ZNF850: variants seen among roughly 807,000 people sequenced by gnomAD.
The protein encoded by ZNF850 is putative zinc finger protein ENSP00000330994.
In ZNF850, 2 loss-of-function variants were observed where a neutral mutation model predicts 11.9. That is an observed-to-expected ratio of 0.17 (90% confidence interval 0.07 to 0.53). The LOEUF (loss-of-function observed/expected upper bound fraction) is 0.53. Ranked by LOEUF, ZNF850 falls within the 20% of genes least tolerant of loss-of-function variation. The pLI is 0.94. For missense variants in ZNF850, 1,014 were observed against 1,316.4 expected (o/e 0.77, Z 3.55); for synonymous variants, 381 against 443.0 (o/e 0.86, Z 1.76).
At chr19:36,761,775 G>A in intron 3 of ZNF850, 37 bp from the exon 4 acceptor site, 1 of 1,266,176 alleles carries the variant, frequency 7.9e-7, no homozygotes, top group Non-Finnish European at 1.1e-6. Flanking sequence ...GCCAGGCATG[G>A]TGGCTCACTC....
rs1299942400 is a variant in ZNF850 at position 36,750,003 on chromosome 19, A to T, written c.1037T>A (p.Phe346Tyr). The change falls in exon 5 of 5, where the codon TTT (phenylalanine) becomes TAT (tyrosine). Residue 346 changes from phenylalanine to tyrosine, a missense_variant. Coordinates refer to ENST00000591344, the MANE Select transcript of ZNF850 (RefSeq NM_001193552.2). ...TCGAATTAGTGCTGAGCCTGAAGCA[A>T]AAGATTTTCCACATTCCTTACAATC... Reference protein sequence around the residue: ...PYDCKECGKSFASGSALIRHQ... With the variant: ...PYDCKECGKSYASGSALIRHQ... The T allele has an allele frequency of 6.5e-7, 1 of 1,549,886 alleles. No individual in the cohort carries two copies. The highest frequency in any genetic ancestry group is 2.4e-5 in the East Asian group (1 of 41,332).
rs1206833042 is a variant in ZNF850 at position 36,759,237 on chromosome 19, G to A, written c.235+2406C>T. 7.9e-5 allele frequency among the ~76,000 whole-genome samples: 12 copies of A among 152,204 alleles called. 1 individual carries two copies. The highest frequency in any genetic ancestry group is 7.2e-4 in the Admixed American group (11 of 15,274). On this transcript the variant is annotated intron_variant, in intron 4 of 4. Coordinates refer to ENST00000591344, the MANE Select transcript of ZNF850 (RefSeq NM_001193552.2). Reference sequence around the variant, plus strand: ...TGTAATCCCAGCAGTTTGGGAAAGTGAGGCAGTGGGAGGACTGCCTGAGCC... The same window carrying A: ...TGTAATCCCAGCAGTTTGGGAAAGTAAGGCAGTGGGAGGACTGCCTGAGCC...
Position 36,750,683 on chromosome 19 carries a change from A to G in ZNF850, c.357T>C (p.Asp119=), listed in dbSNP as rs1172780448. Reference sequence around the variant, plus strand: ...GAAACTGGCCTTTGCATTCCCAGTCATCTCTGACACTGGAGCCCACAAGGC... The same window carrying G: ...GAAACTGGCCTTTGCATTCCCAGTCGTCTCTGACACTGGAGCCCACAAGGC... ...CHSLVGSSVR[D]DWECKGQFQH... is the part of the protein sequence containing the mutation. The change falls in exon 5 of 5, where the codon GAT becomes GAC. Residue 119 remains aspartate, a synonymous_variant. Coordinates refer to ENST00000591344, the MANE Select transcript of ZNF850 (RefSeq NM_001193552.2). 2 of 1,536,046 alleles carry G rather than the reference A, an allele frequency of 1.3e-6. No homozygotes were observed. The highest frequency in any genetic ancestry group is 1.7e-6 in the Non-Finnish European group (2 of 1,146,926).
rs990202572 is a variant in ZNF850 at position 36,750,341 on chromosome 19, A to C, written c.699T>G (p.Ala233=). ...GAATAAGATGTGAGCCAGAAATAAA[A>C]GCTTTTCCATATTCTTTACATGCAC... ...KPCACKEYGK[A]FISGSHLIQH... is the part of the protein sequence containing the mutation. Residue 233 remains alanine, a synonymous_variant, in exon 5 of 5, where the codon GCT becomes GCG. Transcript: ENST00000591344. 4.1e-5 allele frequency: 63 copies of C among 1,536,442 alleles called. No individual in the cohort carries two copies. The highest frequency in any genetic ancestry group is 5.3e-5 in the Non-Finnish European group (61 of 1,146,926).
In ZNF850 at chr19:36,750,773, T is replaced by C; in HGVS notation, c.267A>G (p.Ser89=). ...DSEFRCKTKD[S]CLPKEIYEVT... Reference sequence around the variant, plus strand: ...CTTCATAGATTTCTTTTGGCAAACATGAATCTTTGGTCTTACATCTAAACT... The same window carrying C: ...CTTCATAGATTTCTTTTGGCAAACACGAATCTTTGGTCTTACATCTAAACT... The change falls in exon 5 of 5, where the codon TCA becomes TCG. Residue 89 remains serine (S), a synonymous_variant. Transcript: ENST00000591344. The C allele has an allele frequency of 6.6e-7, 1 of 1,524,958 alleles. No homozygotes were observed. Among genetic ancestry groups the C allele is most frequent in the Non-Finnish European group, 8.8e-7 (1 of 1,140,420 alleles). 94.5% of individuals were successfully genotyped at this position (1,524,958 alleles called of 1,614,324 possible).
intron 4 of ZNF850, among the ~76,000 whole-genome samples, chr19:36,753,187 TA>T (rs768916228): frequency 1.4e-5 from 2 of 144,392 alleles, no homozygotes; most frequent in Non-Finnish European, 3.0e-5. Context: ...AAGAATTGCT[TA>T]AATCCAGGAG....
intron 4 of ZNF850, among the ~76,000 whole-genome samples, chr19:36,752,213 G>A (rs982659461): frequency 1.3e-5 from 2 of 152,070 alleles, no homozygotes; most frequent in African/African-American, 2.4e-5. Flanking sequence ...CAATGAACAC[G>A]CTAATGACAG....
intron 4 of ZNF850, among the ~76,000 whole-genome samples, chr19:36,756,452 TTTC>T (rs1182349017): frequency 6.6e-6 from 1 of 152,222 alleles, no homozygotes; most frequent in Non-Finnish European, 1.5e-5. Flanking sequence ...TGTGCATTTT[TTTC>T]TTTTTATAAA....
In ZNF850 at chr19:36,747,948, T is replaced by G; in HGVS notation, c.3092A>C (p.His1031Pro). The G allele has an allele frequency of 1.3e-6, 2 of 1,572,798 alleles. No homozygotes were observed. The highest frequency in any genetic ancestry group is 2.3e-5 in the South Asian group (2 of 86,836). Residue 1031 changes from histidine (H) to proline (P), a missense_variant, in exon 5 of 5, where the codon CAT becomes CCT. Physicochemically the swap from His to Pro is moderately conservative, Grantham distance 77. Transcript: ENST00000591344. ...PSQLSQHKRIHTGEKTYQCPE... is the reference protein window; with the variant it reads ...PSQLSQHKRIPTGEKTYQCPE... ...ACATTGATAAGTTTTCTCACCAGTATGGATTCGTTTATGTTGACTAAGTTG... is the reference window on the plus strand; with the variant it reads ...ACATTGATAAGTTTTCTCACCAGTAGGGATTCGTTTATGTTGACTAAGTTG...
At chr19:36,756,842 C>CTGACCTCGTGATCCACCCGCCT (rs1378324290) in intron 4 of ZNF850, among the ~76,000 whole-genome samples, 3 of 152,172 alleles carry the variant, frequency 2.0e-5, no homozygotes, top group Non-Finnish European at 2.9e-5. Context: ...TGTCGAACTC[C>CTGACCTCGTGATCCACCCGCCT]TGACCTCGTG....
At chr19:36,764,090 C>G (rs2040535339) in intron 1 of ZNF850, among the ~76,000 whole-genome samples, 1 of 150,454 alleles carries the variant, frequency 6.6e-6, no homozygotes, top group African/African-American at 2.5e-5. Context: ...ACTAAAAATA[C>G]AAAAATTAGC....
Position 36,749,712 on chromosome 19 carries a change from T to C in ZNF850, c.1328A>G (p.His443Arg), listed in dbSNP as rs1333431213. 5 of 1,559,950 alleles carry C rather than the reference T, an allele frequency of 3.2e-6. No homozygotes were observed. The highest frequency in any genetic ancestry group is 4.3e-6 in the Non-Finnish European group (5 of 1,154,508). The stretch of plus-strand genomic sequence containing the variant: ...ACAATCATAGGGTTTCTCACCAGTG[T>C]GAATTCGCTGATGTTGAATTAGTGT... ...GSTLIQHQRI[H>R]TGEKPYDCKE... Residue 443 changes from histidine (H) to arginine (R), a missense_variant, in exon 5 of 5, where the codon CAC becomes CGC. His to Arg is a conservative substitution (Grantham distance 29). Around this residue, in one of 2 missense-constraint regions of ZNF850, gnomAD observed 835 missense variants for 1,022.0 expected, o/e 0.82. Coordinates refer to ENST00000591344, the MANE Select transcript of ZNF850 (RefSeq NM_001193552.2).
intron 4 of ZNF850, among the ~76,000 whole-genome samples, chr19:36,755,060 GAAGT>G (rs1434463827): frequency 2.0e-5 from 3 of 152,132 alleles, no homozygotes; most frequent in African/African-American, 4.8e-5. Flanking sequence ...AGCAGTGCGT[GAAGT>G]AAGTCTGAAC....
intron 4 of ZNF850, among the ~76,000 whole-genome samples, chr19:36,758,217 G>T (rs2040498522): frequency 6.6e-6 from 1 of 152,068 alleles, no homozygotes; most frequent in Non-Finnish European, 1.5e-5. Flanking sequence ...TCCTAGCAGG[G>T]TGCCCATTTT....
intron 1 of ZNF850, among the ~76,000 whole-genome samples, chr19:36,769,877 C>T (rs527338747): frequency 6.6e-6 from 1 of 152,200 alleles, no homozygotes; most frequent in South Asian, 2.1e-4. Flanking sequence ...ACTGTCATCC[C>T]ACAGGCTAAG....
chr19:36,762,422 T>C lies in ZNF850; in HGVS notation c.22A>G (p.Met8Val), dbSNP rs752678690. 1.9e-6 allele frequency: 3 copies of C among 1,568,056 alleles called. No individual in the cohort carries two copies. The highest frequency in any genetic ancestry group is 1.2e-5 in the South Asian group (1 of 86,760). Residue 8 changes from methionine to valine, a missense_variant, in exon 3 of 5, where the codon ATG becomes GTG. Met to Val is a conservative substitution (Grantham distance 21). Transcript: ENST00000591344. ...AAGTCTATAGACAGATCCTGGAACA[T>C]GACCAACCCCTGAAATGACAAACCC... MNMEGLV[M>V]FQDLSIDFSQ...
Position 36,747,628 on chromosome 19 carries a change from T to G in ZNF850, c.*139A>C. On this transcript the variant is annotated 3_prime_UTR_variant, in exon 5 of 5. Coordinates refer to ENST00000591344, the MANE Select transcript of ZNF850 (RefSeq NM_001193552.2). ...TCCAGCCTGGGCGACAGAGCAAGACTCCGTCTCAAAAAAAAAAAAAAAAGT... is the reference window on the plus strand; with the variant it reads ...TCCAGCCTGGGCGACAGAGCAAGACGCCGTCTCAAAAAAAAAAAAAAAAGT... The G allele has an allele frequency of 2.2e-6, 2 of 907,086 alleles. No homozygotes were observed. The highest frequency in any genetic ancestry group is 2.7e-5 in the East Asian group (1 of 36,950). 56.2% of individuals were successfully genotyped at this position (907,086 alleles called of 1,614,324 possible).
intron 4 of ZNF850, among the ~76,000 whole-genome samples, chr19:36,755,625 A>G (rs899148806): frequency 2.0e-5 from 3 of 151,968 alleles, no homozygotes; most frequent in Non-Finnish European, 4.4e-5. Flanking sequence ...CTGTGGACGA[A>G]ATCAACCTCA....
chr19:36,771,337 A>T lies in ZNF850; in HGVS notation c.-70+1388T>A, dbSNP rs145472371. On this transcript the variant is annotated intron_variant, in intron 1 of 4. Coordinates refer to ENST00000591344, the MANE Select transcript of ZNF850 (RefSeq NM_001193552.2). The stretch of plus-strand genomic sequence containing the variant: ...AAGCACTACCCAGCTTGGCCCTGGG[A>T]CCTTAGCCCGGGACCAATCCCAGGC... Among the ~76,000 whole-genome samples, 1,513 of 152,284 alleles carry T rather than the reference A, an allele frequency of 9.9e-3. 13 individuals carry two copies. The highest frequency in any genetic ancestry group is 0.037 in the Middle Eastern group (11 of 294).
Sources: allele counts gnomAD v4.1 joint callset (sites outside exome capture counted in the v4.1 genomes callset), GRCh38; gene constraint gnomAD v4.1.1; regional missense constraint gnomAD v4.1.1; transcripts MANE v1.5; gene names NCBI Gene and HGNC (gene_info 2026-07-23, HGNC 2026-07-21).